Variants in SRCIN1 observed in about 807,000 individuals in gnomAD.
SRCIN1 encodes SRC kinase signaling inhibitor 1, also known as P130Cas-associated protein.
In SRCIN1, 50 loss-of-function variants were observed where a neutral mutation model predicts 116.2. That is an observed-to-expected ratio of 0.43 (90% confidence interval 0.34 to 0.54). SRCIN1 has a LOEUF of 0.54. Among genes scored for constraint, SRCIN1 ranks in the 20% least tolerant of loss-of-function variants. The pLI is 0.02. For missense variants in SRCIN1, 1,446 were observed against 1,672.0 expected (o/e 0.86, Z 2.36); for synonymous variants, 736 against 750.0 (o/e 0.98, Z 0.30).
intron 15 of SRCIN1, among the ~76,000 whole-genome samples, chr17:38,550,896 T>C (rs924746301): frequency 6.6e-6 from 1 of 152,256 alleles, no homozygotes; most frequent in Non-Finnish European, 1.5e-5. Flanking sequence ...CGGATGACTC[T>C]GCCTGGACTT....
At position 38,530,644 on chromosome 17, in the gene SRCIN1, C is replaced by T. The variant is rs1324048791; in HGVS notation, c.*2653G>A. ...CTTGGGTCTGCACCAGCACACATAC[C>T]TGCACACACACACTCGGAGACACAG... On this transcript the variant is annotated 3_prime_UTR_variant, in exon 19 of 19. Coordinates refer to ENST00000617146, the MANE Select transcript of SRCIN1 (RefSeq NM_025248.3). The T allele has an allele frequency of 6.6e-6, 1 of 152,340 alleles. No homozygotes were observed. Among genetic ancestry groups the T allele is most frequent in the African/African-American group, 2.4e-5 (1 of 41,442 alleles). 9.4% of individuals were successfully genotyped at this position (152,340 alleles called of 1,614,324 possible). A position where few individuals can be genotyped will look rare whatever the true frequency, so the allele number is the denominator to read the frequency against.
intron 1 of SRCIN1, among the ~76,000 whole-genome samples, chr17:38,588,743 G>C (rs1908282425): frequency 6.6e-6 from 1 of 152,204 alleles, no homozygotes; most frequent in Non-Finnish European, 1.5e-5. Context: ...TCTGTTGGAA[G>C]TGAGTGGTGG....
At chr17:38,575,540 C>A (rs1189221449) in intron 2 of SRCIN1, among the ~76,000 whole-genome samples, 1 of 152,220 alleles carries the variant, frequency 6.6e-6, no homozygotes, top group East Asian at 1.9e-4. Context: ...TGAGCCACTG[C>A]GCCCGGCCTC....
Position 38,561,723 on chromosome 17 carries a change from G to A in SRCIN1, c.1440C>T (p.Asp480=), listed in dbSNP as rs1263721740. The change falls in exon 7 of 19, where the codon GAC becomes GAT. Residue 480 remains aspartate (D), a synonymous_variant. Coordinates refer to ENST00000617146, the MANE Select transcript of SRCIN1 (RefSeq NM_025248.3). ...GGGGACCTCCGGGGGGTGCTGCCAC[G>A]TCGGCCAGCTTCTGCGGTGACGAAG... ...LPPSSPQKLA[D]VAAPPGGPPP... The A allele has an allele frequency of 2.0e-6, 3 of 1,527,384 alleles. No individual in the cohort carries two copies. Among genetic ancestry groups the A allele is most frequent in the South Asian group, 2.4e-5 (2 of 83,334 alleles). The allele number at this position is 1,527,384 out of a possible 1,614,324, so 94.6% of individuals were successfully genotyped here. A position where few individuals can be genotyped will look rare whatever the true frequency, so the allele number is the denominator to read the frequency against.
intron 11 of SRCIN1, among the ~76,000 whole-genome samples, chr17:38,557,053 G>A (rs1317863868): frequency 6.6e-6 from 1 of 152,194 alleles, no homozygotes; most frequent in African/African-American, 2.4e-5. Flanking sequence ...TCTGGCTGGA[G>A]TCCTCACTAA....
Position 38,560,354 on chromosome 17 carries a change from C to A in SRCIN1, c.1772G>T (p.Gly591Val), listed in dbSNP as rs1434962364. 6.2e-7 allele frequency: 1 copy of A among 1,611,056 alleles called. No homozygotes were observed. Residue 591 changes from glycine to valine, a missense_variant, in exon 8 of 19, where the codon GGC (glycine) becomes GTC (valine). By Grantham distance (109) the Gly-to-Val change is moderately radical (BLOSUM62 -3). Coordinates refer to ENST00000617146, the MANE Select transcript of SRCIN1 (RefSeq NM_025248.3). Reference sequence around the variant, plus strand: ...TCACCTGGGGGTCTCAGGCTCAGAGCCTCGCAGTAAGGCGCTCTGCACCAG... The same window carrying A: ...TCACCTGGGGGTCTCAGGCTCAGAGACTCGCAGTAAGGCGCTCTGCACCAG... ...TGLVQSALLR[G>V]SEPETPSEKI... is the part of the protein sequence containing the mutation.
At position 38,551,346 on chromosome 17, in the gene SRCIN1, T is replaced by C; in HGVS notation, c.2771A>G (p.Gln924Arg). The C allele has an allele frequency of 1.2e-6, 2 of 1,613,738 alleles. No homozygotes were observed. Among genetic ancestry groups the C allele is most frequent in the Non-Finnish European group, 1.7e-6 (2 of 1,179,814 alleles). The change falls in exon 15 of 19, where the codon CAG becomes CGG. Residue 924 changes from glutamine (Q) to arginine (R), a missense_variant. By Grantham distance (43) the Gln-to-Arg change is conservative. Around this residue, in one of 5 missense-constraint regions of SRCIN1, gnomAD observed 531 missense variants for 633.9 expected, o/e 0.84. Coordinates refer to ENST00000617146, the MANE Select transcript of SRCIN1 (RefSeq NM_025248.3). ...DWEEKRAALT[Q>R]YSAKDINRLL... ...CCGGTTGATGTCCTTGGCACTGTAC[T>C]GGGTCAGGGCTGCCCGCTTCTCCTC...
intron 1 of SRCIN1, among the ~76,000 whole-genome samples, chr17:38,605,277 C>T (rs1597946521): frequency 7.0e-6 from 1 of 143,074 alleles, no homozygotes; most frequent in African/African-American, 2.6e-5. Flanking sequence ...TCCTCCACTT[C>T]CCCCACCTCG....
In SRCIN1 at chr17:38,562,642, C is replaced by T. The variant is rs959903629; in HGVS notation, c.834+185G>A. Among the ~76,000 whole-genome samples the T allele has an allele frequency of 1.3e-5, 2 of 152,208 alleles. No homozygotes were observed. Among genetic ancestry groups the T allele is most frequent in the Non-Finnish European group, 2.9e-5 (2 of 68,028 alleles). ...ATCTGGAGGCAAGTTAGCAAAATCC[C>T]GAGTGGACAGGCCCGGAATGGAGGG... On this transcript the variant is annotated intron_variant, in intron 6 of 18. Transcript: ENST00000617146. The surrounding 1 kb of genome is among the most constrained non-coding windows in gnomAD (Gnocchi z 4.2).
chr17:38,541,260 A>G (rs1383607461), intron 18 of SRCIN1: 2 of 151,890 alleles, frequency 1.3e-5, no homozygotes, highest in Non-Finnish European at 2.9e-5. Context: ...ATAAAATAAA[A>G]TAAAATAAAA....
rs35262222 is a variant in SRCIN1 at position 38,543,928 on chromosome 17, C to T, written c.3312G>A (p.Pro1104=). 0.076 allele frequency: 121,675 copies of T among 1,598,012 alleles called. 4,926 individuals are homozygous for T. The highest frequency in any genetic ancestry group is 0.11 in the Middle Eastern group (645 of 6,046). The change falls in exon 18 of 19, where the codon CCG becomes CCA. Residue 1104 remains proline (P), a synonymous_variant. Transcript: ENST00000617146. The stretch of plus-strand genomic sequence containing the variant: ...GGGCCGCCTTCAGCCGAGAGGCCCC[C>T]GGAGTCACCACCTTCATGGGTGGTA... ...GSVPPMKVVT[P]GASRLKAAQG...
At chr17:38,586,337 G>A (rs1342150992) in intron 1 of SRCIN1, among the ~76,000 whole-genome samples, 1 of 152,188 alleles carries the variant, frequency 6.6e-6, no homozygotes, top group African/African-American at 2.4e-5. Flanking sequence ...GGGGGCGGGG[G>A]GAGATGGACA....
At chr17:38,580,201 C>G (rs1258201455) in intron 1 of SRCIN1, among the ~76,000 whole-genome samples, 1 of 152,154 alleles carries the variant, frequency 6.6e-6, no homozygotes, top group Non-Finnish European at 1.5e-5. Flanking sequence ...GGACAGCTGC[C>G]AGGTCTGCCA....
Position 38,561,487 on chromosome 17 carries a change from A to G in SRCIN1, c.1676T>C (p.Val559Ala), listed in dbSNP as rs1906235925. ...ERSLVGFGPPVPAKDTETRER... is the reference protein window; with the variant it reads ...ERSLVGFGPPAPAKDTETRER... The stretch of plus-strand genomic sequence containing the variant: ...CCTGGTCTCCGTGTCCTTGGCTGGC[A>G]CTGGCGGCCCGAACCCAACCAGCGA... Residue 559 changes from valine (V) to alanine (A), a missense_variant, in exon 7 of 19, where the codon GTG (valine) becomes GCG (alanine). By Grantham distance (64) the Val-to-Ala change is moderately conservative (BLOSUM62 0). Transcript: ENST00000617146. The G allele has an allele frequency of 6.3e-7, 1 of 1,591,688 alleles. No homozygotes were observed. The highest frequency in any genetic ancestry group is 1.4e-5 in the African/African-American group (1 of 73,550).
In SRCIN1 at chr17:38,561,757, C is replaced by T; in HGVS notation, c.1406G>A (p.Arg469His). The change falls in exon 7 of 19, where the codon CGC (arginine) becomes CAC (histidine). Residue 469 changes from arginine (R) to histidine (H), a missense_variant. Coordinates refer to ENST00000617146, the MANE Select transcript of SRCIN1 (RefSeq NM_025248.3). ...CTTCTGCGGTGACGAAGGCGGCAGG[C>T]GGAAGCCGTAGCCGTCGCCGTACAG... ...GPLYGDGYGF[R>H]LPPSSPQKLA... is the part of the protein sequence containing the mutation. 4.0e-6 allele frequency: 6 copies of T among 1,510,940 alleles called. No homozygotes were observed. Among genetic ancestry groups the T allele is most frequent in the Non-Finnish European group, 5.3e-6 (6 of 1,135,762 alleles). 93.6% of individuals were successfully genotyped at this position (1,510,940 alleles called of 1,614,324 possible).
chr17:38,539,367 C>T (rs538685406), intron 18 of SRCIN1, among the ~76,000 whole-genome samples: 23 of 152,280 alleles, frequency 1.5e-4, no homozygotes, highest in Middle Eastern at 3.4e-3. Flanking sequence ...GGATTACAGG[C>T]GTGAGCCACT....
rs1190457045 is a variant in SRCIN1 at position 38,551,395 on chromosome 17, C to T, written c.2728-6G>A. On this transcript the variant is annotated splice_region_variant and splice_polypyrimidine_tract_variant and intron_variant, in intron 14 of 18. Coordinates refer to ENST00000617146, the MANE Select transcript of SRCIN1 (RefSeq NM_025248.3). ...TCCCAGTCTCGCTCTGCAGCCTTAA[C>T]AGGGAGCCAGGAGTCAGGATTGAGG... 1 of 1,596,848 alleles carries T rather than the reference C, an allele frequency of 6.3e-7. No homozygotes were observed. The highest frequency in any genetic ancestry group is 1.7e-5 in the Admixed American group (1 of 57,778).
chr17:38,574,718 C>T lies in SRCIN1; in HGVS notation c.324+3772G>A, dbSNP rs144365174. On this transcript the variant is annotated intron_variant, in intron 2 of 18. Transcript: ENST00000617146. ...ATTAGACATCGGGCAGATGTGAGTACGGGACACAGAAGTCTCCTGAAAATA... is the reference window on the plus strand; with the variant it reads ...ATTAGACATCGGGCAGATGTGAGTATGGGACACAGAAGTCTCCTGAAAATA... Among the ~76,000 whole-genome samples the T allele has an allele frequency of 3.8e-3, 577 of 152,082 alleles. 3 individuals are homozygous for T. The highest frequency in any genetic ancestry group is 0.014 in the African/African-American group (560 of 41,472).
At chr17:38,598,760 C>T (rs896535428) in intron 1 of SRCIN1, among the ~76,000 whole-genome samples, 3 of 152,216 alleles carry the variant, frequency 2.0e-5, no homozygotes, top group African/African-American at 7.2e-5. Flanking sequence ...GGGAGCTGAG[C>T]CACCAGCTTG....
Sources: allele counts gnomAD v4.1 joint callset (sites outside exome capture counted in the v4.1 genomes callset), GRCh38; gene constraint gnomAD v4.1.1; regional missense constraint gnomAD v4.1.1; non-coding constraint Gnocchi (gnomAD v3.1); transcripts MANE v1.5; gene names NCBI Gene and HGNC (gene_info 2026-07-23, HGNC 2026-07-21).